TCFL5: variants seen among roughly 807,000 people sequenced by gnomAD.
TCFL5 encodes the protein transcription factor like 5.
A neutral mutation model predicts 44.3 loss-of-function variants in TCFL5; 9 were observed. The observed-to-expected ratio is 0.20, with a 90% CI of 0.12 to 0.35. The LOEUF is 0.35. Among genes scored for constraint, TCFL5 ranks in the 10% least tolerant of loss-of-function variants. The pLI, the probability that TCFL5 is intolerant of heterozygous loss-of-function variation, is 1.00. For synonymous variants in TCFL5, 319 were observed against 271.6 expected (o/e 1.17, Z -1.72); for missense variants, 603 against 613.4 (o/e 0.98, Z 0.18).
At chr20:62,847,748 G>C (rs948148989) in intron 5 of TCFL5, among the ~76,000 whole-genome samples, 1 of 152,228 alleles carries the variant, frequency 6.6e-6, no homozygotes, top group African/African-American at 2.4e-5. Context: ...GGTGGCTCAC[G>C]TTGGTAATCC....
Position 62,842,095 on chromosome 20 carries a change from T to C in TCFL5, c.1383A>G (p.Glu461=), listed in dbSNP as rs779764893. 3.1e-6 allele frequency: 5 copies of C among 1,614,104 alleles called. No homozygotes were observed. The South Asian group carries it at 5.5e-5, about 18-fold the overall frequency. The change falls in exon 6 of 6, where the codon GAA becomes GAG. Residue 461 remains glutamate (E), a splice_region_variant and synonymous_variant. Coordinates refer to ENST00000335351, the MANE Select transcript of TCFL5 (RefSeq NM_006602.4). The surrounding 1 kb of genome is among the most constrained non-coding windows in gnomAD (Gnocchi z 4.3). The part of the protein sequence containing the change: ...QERHGDSLKK[E]FESVFCGKTG... ...TTTTACCGCAAAATACGCTCTCAAATTCCTGCAGTGAAGAAGTGACGGTTA... is the reference window on the plus strand; with the variant it reads ...TTTTACCGCAAAATACGCTCTCAAACTCCTGCAGTGAAGAAGTGACGGTTA...
rs563208205 is a variant in TCFL5 at position 62,849,432 on chromosome 20, C to CA, written c.1380+4583dup. 3.8e-3 allele frequency among the ~76,000 whole-genome samples: 572 copies of CA among 152,312 alleles called. 11 individuals are homozygous for CA. Among genetic ancestry groups the CA allele is most frequent in the Non-Finnish European group, 3.7e-3 (249 of 68,030 alleles). ...CTCTAGACAACCGGCCTGATCTCTT[C>CA]AAAGCCTCAATGCCATAGTTAATAA... On this transcript the variant is annotated intron_variant, in intron 5 of 5. Transcript: ENST00000335351.
intron 4 of TCFL5, among the ~76,000 whole-genome samples, chr20:62,856,252 C>CAAAAAAAAAAAA (rs11473595): frequency 1.1e-4 from 7 of 63,768 alleles, no homozygotes; most frequent in Non-Finnish European, 1.8e-4. Context: ...GACTCCGTCT[C>CAAAAAAAAAAAA]AAAAAAAAAA....
Position 62,854,281 on chromosome 20 carries a change from G to C in TCFL5, c.1239-124C>G, listed in dbSNP as rs1471395100. The C allele has an allele frequency of 7.9e-6, 10 of 1,270,476 alleles. No homozygotes were observed. In the East Asian group the frequency reaches 2.5e-4, roughly 32 times the overall value. The allele number at this position is 1,270,476 out of a possible 1,614,324, so 78.7% of individuals were successfully genotyped here. ...TGCATCCTGGCCACTGAGTGCCACG[G>C]AAGCGCCTGTCACCACAGGAAGCCC... is the stretch of plus-strand genomic sequence containing the variant. On this transcript the variant is annotated intron_variant, in intron 4 of 5. Transcript: ENST00000335351.
At chr20:62,859,282 C>T (rs2063947217) in intron 3 of TCFL5, 82 bp downstream of exon 3, 1 of 1,434,744 alleles carries the variant, frequency 7.0e-7, no homozygotes, top group African/African-American at 1.4e-5. Flanking sequence ...ATCTGTCTCC[C>T]CTGCCCCCCA....
At chr20:62,858,011 A>G (rs575035245) in intron 3 of TCFL5, among the ~76,000 whole-genome samples, 2 of 151,998 alleles carry the variant, frequency 1.3e-5, no homozygotes, top group Non-Finnish European at 2.9e-5. Flanking sequence ...AACAACAACA[A>G]CAAACCACCT....
chr20:62,843,322 T>TGA (rs1281955236), intron 5 of TCFL5, among the ~76,000 whole-genome samples: 2 of 152,220 alleles, frequency 1.3e-5, no homozygotes, highest in African/African-American at 2.4e-5. Context: ...GAGTGAAGGC[T>TGA]TTCAGGAAGG....
rs183752864 is a variant in TCFL5, at chr20:62,853,079, A to C, written c.1380+937T>G. Reference sequence around the variant, plus strand: ...AGAAGTACAGTCACCCGGTCCGCAGAAGCACAGTCACCGGTCCACAGAAGC... The same window carrying C: ...AGAAGTACAGTCACCCGGTCCGCAGCAGCACAGTCACCGGTCCACAGAAGC... On this transcript the variant is annotated intron_variant, in intron 5 of 5. Transcript: ENST00000335351. Among the ~76,000 whole-genome samples, 692 of 145,748 alleles carry C rather than the reference A, an allele frequency of 4.7e-3. 12 individuals are homozygous for C. Among genetic ancestry groups the C allele is most frequent in the South Asian group, 5.3e-3 (25 of 4,738 alleles).
At chr20:62,852,532 C>A in intron 5 of TCFL5, 2 of 985,502 alleles carry the variant, frequency 2.0e-6, no homozygotes, top group Non-Finnish European at 2.4e-6. Flanking sequence ...TGGCTTGCTG[C>A]AGGCCACTGC....
rs374746398 is a variant in TCFL5, at chr20:62,859,386, C to T, written c.972G>A (p.Glu324=). 6.2e-7 allele frequency: 1 copy of T among 1,607,952 alleles called. No individual in the cohort carries two copies. Among genetic ancestry groups the T allele is most frequent in the Non-Finnish European group, 8.5e-7 (1 of 1,175,822 alleles). Residue 324 remains glutamate, a synonymous_variant, in exon 3 of 6, where the codon GAG becomes GAA. Transcript: ENST00000335351. The stretch of plus-strand genomic sequence containing the variant: ...TACCTCCCACTTTAATCCAAACTTG[C>T]TCAGGCAAAACTTTGTTTCTACTAC... ...TLGSRNKVLP[E]QVWIKVGEAA...
At chr20:62,856,132 C>A (rs1414519699) in intron 4 of TCFL5, among the ~76,000 whole-genome samples, 2 of 150,412 alleles carry the variant, frequency 1.3e-5, no homozygotes, top group African/African-American at 4.9e-5. Context: ...TACCTGTAAT[C>A]CCAGCTACTG....
At chr20:62,845,546 T>G in intron 5 of TCFL5, 4 of 1,461,442 alleles carry the variant, frequency 2.7e-6, no homozygotes, top group Middle Eastern at 1.8e-4. Flanking sequence ...CAAGATAGAA[T>G]TCACCTTTCA....
At chr20:62,850,695 G>A (rs1050105267) in intron 5 of TCFL5, among the ~76,000 whole-genome samples, 2 of 152,020 alleles carry the variant, frequency 1.3e-5, no homozygotes, top group East Asian at 1.9e-4. Context: ...AAAGACTGCC[G>A]AGGCCCCCAA....
chr20:62,846,010 G>A (rs1293840276), intron 5 of TCFL5: 1 of 1,384,550 alleles, frequency 7.2e-7, no homozygotes, highest in Non-Finnish European at 9.6e-7. Flanking sequence ...ACAGCCATTT[G>A]TGATTTGCTG....
In TCFL5 at chr20:62,861,252, G is replaced by A. The variant is rs1454116970; in HGVS notation, c.419C>T (p.Ala140Val). Residue 140 changes from alanine (A) to valine (V), a missense_variant, in exon 1 of 6, where the codon GCG becomes GTG. Transcript: ENST00000335351. The surrounding 1 kb of genome is among the most constrained non-coding windows in gnomAD (Gnocchi z 4.0). ...RMMLLSEAGAAEKTSGGGDGA... is the reference protein window; with the variant it reads ...RMMLLSEAGAVEKTSGGGDGA... ...GTCCCCGCCGCCCGACGTCTTCTCC[G>A]CCGCGCCCGCCTCGCTTAGCAGCAT... is the stretch of plus-strand genomic sequence containing the variant. 1.7e-6 allele frequency: 2 copies of A among 1,194,766 alleles called. No homozygotes were observed. The highest frequency in any genetic ancestry group is 3.1e-5 in the Admixed American group (1 of 32,080). 74.0% of individuals were successfully genotyped at this position (1,194,766 alleles called of 1,614,324 possible).
rs3664 is a variant in TCFL5 at position 62,841,034 on chromosome 20, A to G, written c.*941T>C. 98,952 of 383,930 alleles carry G rather than the reference A, an allele frequency of 0.26. 13,655 individuals carry two copies. Among genetic ancestry groups the G allele is most frequent in the African/African-American group, 0.34 (16,351 of 48,112 alleles). The allele number at this position is 383,930 out of a possible 1,614,324, so 23.8% of individuals were successfully genotyped here. A position where few individuals can be genotyped will look rare whatever the true frequency, so the allele number is the denominator to read the frequency against. ...GTGAAAAATATTCAGTAACTTGTTT[A>G]CATAGCATTTGTGTAAAGACTATGA... is the stretch of plus-strand genomic sequence containing the variant. On this transcript the variant is annotated 3_prime_UTR_variant, in exon 6 of 6. Transcript: ENST00000335351.
intron 5 of TCFL5, among the ~76,000 whole-genome samples, chr20:62,853,201 C>A (rs2063839285): frequency 7.6e-6 from 1 of 131,566 alleles, no homozygotes; most frequent in Non-Finnish European, 1.5e-5. Context: ...AGTATAGTCA[C>A]CCAGTCCACA....
chr20:62,851,655 CAACTT>C (rs1233524503), intron 5 of TCFL5: 93 of 985,334 alleles, frequency 9.4e-5, no homozygotes, highest in East Asian at 4.5e-4. Flanking sequence ...TGTAAATAAA[CAACTT>C]AAATTATGCA....
intron 5 of TCFL5, chr20:62,845,490 A>G (rs2063729883): frequency 1.6e-5 from 22 of 1,400,340 alleles, no homozygotes; most frequent in Non-Finnish European, 2.0e-5. Context: ...AATTTCCTAT[A>G]TTCTGACACC....
Sources: gnomAD v4.1 joint callset for allele counts (sites outside exome capture counted in the v4.1 genomes callset) on GRCh38, gnomAD v4.1.1 for gene constraint, Gnocchi (gnomAD v3.1) non-coding constraint, MANE v1.5 for transcripts, NCBI Gene and HGNC (gene_info 2026-07-23, HGNC 2026-07-21) for gene names.